CASK: variants seen among roughly 807,000 people sequenced by gnomAD.
CASK encodes the protein peripheral plasma membrane protein CASK.
CASK carries 4 observed loss-of-function variants against 82.9 expected under a neutral mutation model. That is an observed-to-expected ratio of 0.05 (90% CI 0.02 to 0.11). The LOEUF (loss-of-function observed/expected upper bound fraction) is 0.11. CASK is among the 10% of genes least tolerant of loss of function. The pLI, the probability that CASK is intolerant of heterozygous loss-of-function variation, is 1.00. For missense variants in CASK, 358 were observed against 720.9 expected (o/e 0.50, Z 5.76); for synonymous variants, 259 against 253.5 (o/e 1.02, Z -0.20).
chrX:41,527,290 CAG>C (rs1403572244), intron 25 of CASK, among the ~76,000 whole-genome samples: 1 of 108,183 alleles, frequency 9.2e-6, no homozygotes, highest in Admixed American at 9.8e-5. Context: ...GAGAGAGAAA[CAG>C]GGACAGATAT....
Position 41,745,572 on chromosome X carries a change from A to G in CASK, c.308T>C (p.Ile103Thr). The G allele has an allele frequency of 8.3e-7, 1 of 1,203,516 alleles. No homozygotes were observed. The highest frequency in any genetic ancestry group is 1.8e-5 in the South Asian group (1 of 56,667). ...AAAACCAGCGTCAGCTCGCTTTACG[A>G]TTTCAAAACACAGATCTGCTCCATC... ...FMDGADLCFE[I>T]VKRADAGFVY... The change falls in exon 4 of 27, where the codon ATC becomes ACC. Residue 103 changes from isoleucine (I) to threonine (T), a missense_variant. Coordinates refer to ENST00000378163, the MANE Select transcript of CASK (RefSeq NM_001367721.1).
At chrX:41,822,839 C>G (rs1003363833) in intron 2 of CASK, among the ~76,000 whole-genome samples, 2 of 110,083 alleles carry the variant, frequency 1.8e-5, no homozygotes, top group Non-Finnish European at 3.8e-5. Context: ...GGTCTTTTCT[C>G]TTGCTATTAC....
chrX:41,854,218 G>GCACA (rs1569469354), intron 1 of CASK, among the ~76,000 whole-genome samples: 1 of 48,597 alleles, frequency 2.1e-5, no homozygotes, highest in Non-Finnish European at 4.5e-5. Context: ...GCGCGCGCGG[G>GCACA]CGCGCGCACA....
At position 41,854,214 on chromosome X, in the gene CASK, GCGGGCGCGCGCA is replaced by G. The variant is rs1391717330; in HGVS notation, c.60-999_60-988del. ...TGGTCCAGGGAACATGCGCGCGCGCGCGGGCGCGCGCACACACACACACACACACACACACAC... is the reference window on the plus strand; with the variant it reads ...TGGTCCAGGGAACATGCGCGCGCGCGCACACACACACACACACACACACAC... On this transcript the variant is annotated intron_variant, in intron 1 of 26. Transcript: ENST00000378163. 4.1e-4 allele frequency among the ~76,000 whole-genome samples: 36 copies of G among 88,067 alleles called. 1 individual carries two copies. Among genetic ancestry groups the G allele is most frequent in the African/African-American group, 1.5e-3 (35 of 23,144 alleles). 76.5% of individuals were successfully genotyped at this position (88,067 alleles called of 115,157 possible). A position where few individuals can be genotyped will look rare whatever the true frequency, so the allele number is the denominator to read the frequency against.
intron 1 of CASK, among the ~76,000 whole-genome samples, chrX:41,897,138 T>C (rs190686892): frequency 4.1e-4 from 46 of 111,846 alleles, no homozygotes; most frequent in Admixed American, 7.6e-4. Context: ...AGACTTCCCA[T>C]ATTATCCCGA....
intron 9 of CASK, 104 bp from the exon 10 acceptor site, chrX:41,626,807 A>C (rs1014303596): frequency 1.2e-4 from 66 of 552,315 alleles, no homozygotes; most frequent in Non-Finnish European, 1.7e-4. Flanking sequence ...TAAGTCAAAT[A>C]TATAGGAGAT....
intron 18 of CASK, chrX:41,558,805 A>T (rs1166042727): frequency 3.6e-5 from 4 of 111,941 alleles, no homozygotes; most frequent in Non-Finnish European, 3.8e-5. Context: ...ATAGGCTTTT[A>T]AAAAATATGA....
chrX:41,578,370 T>C lies in CASK; in HGVS notation c.1473A>G (p.Val491=), dbSNP rs1376827941. 8.3e-7 allele frequency: 1 copy of C among 1,208,671 alleles called. No individual in the cohort carries two copies. Among genetic ancestry groups the C allele is most frequent in the Admixed American group, 2.2e-5 (1 of 45,894 alleles). ...GTTCATCTGTGTTCTTTTGAAACTG[T>C]ACCAGCCGAACTCTGGTCACATTCT... The part of the protein sequence containing the change: ...DMENVTRVRL[V]QFQKNTDEPM... The change falls in exon 15 of 27, where the codon GTA becomes GTG. Residue 491 remains valine (V), a synonymous_variant. Transcript: ENST00000378163.
intron 2 of CASK, among the ~76,000 whole-genome samples, chrX:41,807,554 C>A (rs1283835971): frequency 9.0e-6 from 1 of 111,683 alleles, no homozygotes; most frequent in Non-Finnish European, 1.9e-5. Context: ...ACTATGGTAT[C>A]ATAGTCTGTT....
intron 7 of CASK, among the ~76,000 whole-genome samples, chrX:41,663,874 A>T (rs1265002595): frequency 4.5e-5 from 5 of 111,839 alleles, no homozygotes; most frequent in African/African-American, 1.6e-4. Flanking sequence ...ATGTATCACT[A>T]ATCATGTTTC....
chrX:41,572,527 A>T (rs1171193968), intron 15 of CASK, among the ~76,000 whole-genome samples: 1 of 111,178 alleles, frequency 9.0e-6, no homozygotes, highest in Non-Finnish European at 1.9e-5. Context: ...TTCAAGTGAT[A>T]TTATACCACT....
intron 2 of CASK, among the ~76,000 whole-genome samples, chrX:41,802,099 C>T (rs989879795): frequency 2.7e-5 from 3 of 111,385 alleles, no homozygotes; most frequent in African/African-American, 9.8e-5. Flanking sequence ...AGAGTGTTCC[C>T]AGGCACCTAT....
chrX:41,750,771 G>A (rs2147750230), intron 3 of CASK, among the ~76,000 whole-genome samples: 1 of 112,382 alleles, frequency 8.9e-6, no homozygotes, highest in East Asian at 2.8e-4. Context: ...ATTACTGGCT[G>A]CACATTGAGG....
chrX:41,662,607 T>C (rs909871407), intron 7 of CASK, among the ~76,000 whole-genome samples: 6 of 109,858 alleles, frequency 5.5e-5, no homozygotes, highest in Admixed American at 9.7e-5. Flanking sequence ...TTGGCCAACA[T>C]GGTGAAACCC....
Position 41,901,488 on chromosome X carries a change from G to GA in CASK, c.59+21441dup, listed in dbSNP as rs777860030. On this transcript the variant is annotated intron_variant, in intron 1 of 26. Transcript: ENST00000378163. The stretch of plus-strand genomic sequence containing the variant: ...GGCAACAGAGTGAGACCCTGTCTCA[G>GA]AAAAAAAAAAAAAAAGAAGAAGAAG... 4.5e-3 allele frequency among the ~76,000 whole-genome samples: 370 copies of GA among 82,140 alleles called. 2 individuals carry two copies. Among genetic ancestry groups the GA allele is most frequent in the African/African-American group, 9.3e-3 (206 of 22,264 alleles). 71.3% of individuals were successfully genotyped at this position (82,140 alleles called of 115,157 possible).
chrX:41,663,230 G>T (rs1432983444), intron 7 of CASK, among the ~76,000 whole-genome samples: 1 of 111,948 alleles, frequency 8.9e-6, no homozygotes, highest in Non-Finnish European at 1.9e-5. Flanking sequence ...AAAAATAAAT[G>T]CTGACAGAAT....
chrX:41,857,066 A>G (rs1220971585), intron 1 of CASK, among the ~76,000 whole-genome samples: 1 of 111,191 alleles, frequency 9.0e-6, no homozygotes, highest in East Asian at 2.8e-4. Flanking sequence ...AAACTACTCA[A>G]CTAGATCATC....
chrX:41,770,257 C>CT (rs771583572), intron 3 of CASK, among the ~76,000 whole-genome samples: 42 of 86,536 alleles, frequency 4.9e-4, no homozygotes, highest in African/African-American at 1.6e-3. Context: ...ATCTATCTAT[C>CT]ATCTATCTAT....
chrX:41,786,091 A>G (rs1403592879), intron 3 of CASK, among the ~76,000 whole-genome samples: 1 of 111,609 alleles, frequency 9.0e-6, no homozygotes, highest in African/African-American at 3.3e-5. Flanking sequence ...CAATCATGTG[A>G]GTGAGCTTGG....
Sources: gnomAD v4.1 joint callset for allele counts (sites outside exome capture counted in the v4.1 genomes callset) on GRCh38, gnomAD v4.1.1 for gene constraint, MANE v1.5 for transcripts, NCBI Gene and HGNC (gene_info 2026-07-23, HGNC 2026-07-21) for gene names.